ARMH3: variants seen among roughly 807,000 people sequenced by gnomAD.
The protein encoded by ARMH3 is armadillo-like helical domain-containing protein 3.
In ARMH3, 60 loss-of-function variants were observed where a neutral mutation model predicts 99.1. That is an observed-to-expected ratio of 0.61 (90% confidence interval 0.49 to 0.75). The LOEUF is 0.75. Ranked by LOEUF, ARMH3 falls within the 30% of genes least tolerant of loss-of-function variation. The probability of loss-of-function intolerance (pLI) is 0.00; values close to 1 mark genes in which losing one functional copy is unlikely to be tolerated. For missense variants in ARMH3, 679 were observed against 843.1 expected, an observed-to-expected ratio of 0.81 and a Z score of 2.41; for synonymous variants, 285 against 292.8, an observed-to-expected ratio of 0.97 and a Z score of 0.27.
chr10:101,971,180 C>G (rs1206072662), intron 20 of ARMH3, among the ~76,000 whole-genome samples: 1 of 151,536 alleles, frequency 6.6e-6, no homozygotes, highest in African/African-American at 2.4e-5. Flanking sequence ...AGAAAACACT[C>G]CAAAAATAAG....
At chr10:101,876,603 A>G (rs2067272551) in intron 24 of ARMH3, among the ~76,000 whole-genome samples, 1 of 152,216 alleles carries the variant, frequency 6.6e-6, no homozygotes, top group Non-Finnish European at 1.5e-5. Context: ...TACTTGGGAA[A>G]AACATTTCCA....
At chr10:101,940,735 T>C (rs1401251334) in intron 22 of ARMH3, among the ~76,000 whole-genome samples, 1 of 152,186 alleles carries the variant, frequency 6.6e-6, no homozygotes, top group Non-Finnish European at 1.5e-5. Context: ...CTGTTTGACC[T>C]GCAAAATGAA....
intron 24 of ARMH3, among the ~76,000 whole-genome samples, chr10:101,861,751 G>T: frequency 1.2e-5 from 1 of 81,468 alleles, no homozygotes; most frequent in East Asian, 3.5e-4. Flanking sequence ...AAAAAAAAAA[G>T]GCTGGGCGCA....
intron 22 of ARMH3, among the ~76,000 whole-genome samples, chr10:101,954,082 C>T (rs990646267): frequency 6.6e-6 from 1 of 152,156 alleles, no homozygotes; most frequent in Non-Finnish European, 1.5e-5. Flanking sequence ...GTCCCAGCTA[C>T]TTTGGAGGCT....
chr10:101,920,927 G>C (rs963069462), intron 23 of ARMH3, among the ~76,000 whole-genome samples: 1 of 152,084 alleles, frequency 6.6e-6, no homozygotes, highest in Non-Finnish European at 1.5e-5. Context: ...CCACTATAAG[G>C]TATCTAAAAT....
At chr10:101,956,789 T>C (rs1160098361) in intron 21 of ARMH3, 66 bp from the exon 22 acceptor site, 9 of 1,527,006 alleles carry the variant, frequency 5.9e-6, no homozygotes, top group Non-Finnish European at 8.0e-6. Context: ...ATCAGTGGTA[T>C]GCTGTAGCCA....
intron 1 of ARMH3, among the ~76,000 whole-genome samples, chr10:102,050,751 G>C (rs2136294954): frequency 6.6e-6 from 1 of 151,762 alleles, no homozygotes; most frequent in East Asian, 1.9e-4. Flanking sequence ...CAGCCACTTG[G>C]GATGCTGAGG....
intron 20 of ARMH3, among the ~76,000 whole-genome samples, chr10:101,964,744 C>T (rs1845459215): frequency 1.3e-5 from 2 of 151,896 alleles, no homozygotes; most frequent in African/African-American, 4.8e-5. Context: ...GACACGGTGG[C>T]TCACACCTGT....
intron 5 of ARMH3, among the ~76,000 whole-genome samples, chr10:102,026,658 G>C (rs558900588): frequency 6.6e-6 from 1 of 152,314 alleles, no homozygotes; most frequent in South Asian, 2.1e-4. Flanking sequence ...ACAGTGGTGA[G>C]ATATAAGCCT....
chr10:102,029,446 A>G lies in ARMH3; in HGVS notation c.414+192T>C, dbSNP rs768063456. ...CGCAGGGAAAGAATACCTCCATTCA[A>G]ATTTGAATTTAAAATTTTCCTTTAT... On this transcript the variant is annotated intron_variant, in intron 5 of 25. Transcript: ENST00000370033. The G allele has an allele frequency of 1.3e-5, 20 of 1,544,498 alleles. No individual in the cohort carries two copies. In the South Asian group the frequency reaches 1.9e-4, roughly 15 times the overall value.
At chr10:101,882,646 C>A (rs1455201055) in intron 24 of ARMH3, among the ~76,000 whole-genome samples, 5 of 152,156 alleles carry the variant, frequency 3.3e-5, no homozygotes, top group Admixed American at 3.3e-4. Flanking sequence ...ATTACAAGCA[C>A]ATGCCACCAT....
In ARMH3 at chr10:101,856,526, C is replaced by T. The variant is rs577285355; in HGVS notation, c.1861-6634G>A. 7.2e-5 allele frequency among the ~76,000 whole-genome samples: 11 copies of T among 151,942 alleles called. No homozygotes were observed. In the South Asian group the frequency reaches 2.3e-3, roughly 32 times the overall value. On this transcript the variant is annotated intron_variant, in intron 24 of 25. Coordinates refer to ENST00000370033, the MANE Select transcript of ARMH3 (RefSeq NM_024541.3). ...GACTGTCATCATTCTGTTCCACTTC[C>T]ATGCAGTTCTGCTTTAACCCTGTCC...
chr10:101,922,956 C>A (rs1464660590), intron 23 of ARMH3, among the ~76,000 whole-genome samples: 1 of 152,096 alleles, frequency 6.6e-6, no homozygotes, highest in Non-Finnish European at 1.5e-5. Flanking sequence ...CTTCGGTACA[C>A]TGGGTAGTGA....
intron 15 of ARMH3, among the ~76,000 whole-genome samples, chr10:101,996,431 C>T (rs761239805): frequency 1.3e-5 from 2 of 152,212 alleles, no homozygotes; most frequent in African/African-American, 2.4e-5. Flanking sequence ...AATATACTCA[C>T]ATCTCCTCAG....
At chr10:101,964,827 G>C (rs1845462659) in intron 20 of ARMH3, among the ~76,000 whole-genome samples, 1 of 150,068 alleles carries the variant, frequency 6.7e-6, no homozygotes, top group African/African-American at 2.5e-5. Context: ...CTGTAACATG[G>C]TGAAACCCCG....
intron 1 of ARMH3, among the ~76,000 whole-genome samples, chr10:102,053,131 C>CT (rs1322016353): frequency 6.7e-6 from 1 of 148,326 alleles, no homozygotes; most frequent in East Asian, 2.0e-4. Flanking sequence ...TGCAACAACT[C>CT]TAATTAGTCT....
At chr10:101,949,269 G>GA (rs1844686822) in intron 22 of ARMH3, among the ~76,000 whole-genome samples, 1 of 149,562 alleles carries the variant, frequency 6.7e-6, no homozygotes, top group Non-Finnish European at 1.5e-5. Flanking sequence ...AAATGGCAGA[G>GA]AAAAAAATCA....
intron 24 of ARMH3, among the ~76,000 whole-genome samples, chr10:101,883,188 G>T (rs2067458877): frequency 6.6e-6 from 1 of 152,164 alleles, no homozygotes; most frequent in Non-Finnish European, 1.5e-5. Context: ...GACAAGATGG[G>T]AGGATCACTT....
chr10:101,960,449 G>C (rs911986172), intron 20 of ARMH3, among the ~76,000 whole-genome samples: 1 of 152,156 alleles, frequency 6.6e-6, no homozygotes, highest in African/African-American at 2.4e-5. Context: ...GATTTTTAGA[G>C]CTAGAAAATG....
Sources: gnomAD v4.1 joint callset for allele counts (sites outside exome capture counted in the v4.1 genomes callset) on GRCh38, gnomAD v4.1.1 for gene constraint, MANE v1.5 for transcripts, NCBI Gene and HGNC (gene_info 2026-07-23, HGNC 2026-07-21) for gene names.